THSD4: variants seen among roughly 807,000 people sequenced by gnomAD.
The protein encoded by THSD4 is thrombospondin type 1 domain containing 4, also known as thrombospondin type-1 domain-containing protein 4.
Under a neutral mutation model 119.0 loss-of-function variants are expected in THSD4, and 69 were observed. That is an observed-to-expected ratio of 0.58 (90% CI 0.48 to 0.71). THSD4 has a LOEUF of 0.71. Ranked by LOEUF, THSD4 falls within the 30% of genes least tolerant of loss-of-function variation. The pLI, the probability that THSD4 is intolerant of heterozygous loss-of-function variation, is 0.00. For synonymous variants in THSD4, 524 were observed against 540.4 expected (o/e 0.97, Z 0.42); for missense variants, 1,393 against 1,391.1 (o/e 1.00, Z -0.02).
intron 3 of THSD4, among the ~76,000 whole-genome samples, chr15:71,158,226 T>C (rs2040800226): frequency 1.4e-5 from 2 of 142,702 alleles, no homozygotes; most frequent in Admixed American, 1.5e-4. Flanking sequence ...CGATCTCAGC[T>C]CACTGCAACC....
chr15:71,258,233 C>T (rs1397622728), intron 6 of THSD4, among the ~76,000 whole-genome samples: 13 of 152,276 alleles, frequency 8.5e-5, no homozygotes, highest in East Asian at 1.9e-4. Context: ...GGCTGGAGTG[C>T]GGTGGCGTGA....
At chr15:71,535,144 C>T (rs918758396) in intron 7 of THSD4, among the ~76,000 whole-genome samples, 1 of 152,194 alleles carries the variant, frequency 6.6e-6, no homozygotes, top group Non-Finnish European at 1.5e-5. Context: ...TCCGCTCACC[C>T]TCCTCGGGCC....
chr15:71,507,039 G>A (rs117793479), intron 7 of THSD4, among the ~76,000 whole-genome samples: 4 of 152,280 alleles, frequency 2.6e-5, no homozygotes, highest in Admixed American at 6.5e-5. Context: ...CTCTCAGTAG[G>A]GTGTTGCATA....
chr15:71,132,368 A>G (rs2040511504), intron 1 of THSD4, among the ~76,000 whole-genome samples: 1 of 152,250 alleles, frequency 6.6e-6, no homozygotes, highest in Non-Finnish European at 1.5e-5. Context: ...ATTAGAAATG[A>G]TTTTGAATAT....
intron 7 of THSD4, among the ~76,000 whole-genome samples, chr15:71,558,628 C>T (rs2049061325): frequency 6.6e-6 from 1 of 152,084 alleles, no homozygotes; most frequent in East Asian, 1.9e-4. Context: ...GCCACCACAT[C>T]TGGCTAATTT....
rs145842380 is a variant in THSD4, at chr15:71,656,373, A to C, written c.1153-4157A>C. Among the ~76,000 whole-genome samples, 22 of 152,336 alleles carry C rather than the reference A, an allele frequency of 1.4e-4. 1 individual carries two copies. The highest frequency in any genetic ancestry group is 1.4e-3 in the Admixed American group (22 of 15,300). ...TTCTTATGAGTCTTACACTATTTCAAAATAAAACATTATAACAATAAGAAA... is the reference window on the plus strand; with the variant it reads ...TTCTTATGAGTCTTACACTATTTCACAATAAAACATTATAACAATAAGAAA... On this transcript the variant is annotated intron_variant, in intron 7 of 17. Coordinates refer to ENST00000261862, the MANE Select transcript of THSD4 (RefSeq NM_024817.3).
chr15:71,507,059 C>A (rs4776554), intron 7 of THSD4, among the ~76,000 whole-genome samples: 138,298 of 152,278 alleles, frequency 0.91, 63,767 homozygotes, highest in East Asian at 1. Context: ...AGGCAGGAGC[C>A]TTTTTAGATG....
At chr15:71,750,636 C>G (rs1375685159) in intron 14 of THSD4, among the ~76,000 whole-genome samples, 1 of 152,220 alleles carries the variant, frequency 6.6e-6, no homozygotes, top group Non-Finnish European at 1.5e-5. Flanking sequence ...ATGGACAGCC[C>G]TTGGTGCAAA....
At chr15:71,622,255 A>G (rs2050431557) in intron 7 of THSD4, among the ~76,000 whole-genome samples, 1 of 152,224 alleles carries the variant, frequency 6.6e-6, no homozygotes, top group Non-Finnish European at 1.5e-5. Context: ...TTGATTCATC[A>G]TTTCTGAAAT....
chr15:71,438,209 T>G (rs895491389), intron 7 of THSD4, among the ~76,000 whole-genome samples: 5 of 152,220 alleles, frequency 3.3e-5, no homozygotes, highest in Admixed American at 3.3e-4. Flanking sequence ...TTTGCACATT[T>G]TTCTATTGGG....
chr15:71,644,550 G>A (rs1008059084), intron 7 of THSD4, among the ~76,000 whole-genome samples: 1 of 151,970 alleles, frequency 6.6e-6, no homozygotes, highest in Non-Finnish European at 1.5e-5. Flanking sequence ...TGACTTTCAC[G>A]GCCAGCTAGG....
intron 8 of THSD4, among the ~76,000 whole-genome samples, chr15:71,700,776 A>G (rs2052270574): frequency 1.3e-5 from 2 of 152,144 alleles, no homozygotes; most frequent in Admixed American, 1.3e-4. Context: ...ATATGATAAA[A>G]GCACATTTAA....
At chr15:71,396,966 G>A (rs1444981089) in intron 6 of THSD4, among the ~76,000 whole-genome samples, 2 of 152,196 alleles carry the variant, frequency 1.3e-5, no homozygotes, top group Admixed American at 6.5e-5. Flanking sequence ...AACTTTCTAC[G>A]AACAGGAAGC....
At position 71,215,140 on chromosome 15, in the gene THSD4, T is replaced by C; in HGVS notation, c.205T>C (p.Cys69Arg). The C allele has an allele frequency of 1.5e-6, 2 of 1,372,074 alleles. No homozygotes were observed. The highest frequency in any genetic ancestry group is 1.9e-6 in the Non-Finnish European group (2 of 1,059,166). The allele number at this position is 1,372,074 out of a possible 1,614,324, so 85.0% of individuals were successfully genotyped here. A position where few individuals can be genotyped will look rare whatever the true frequency, so the allele number is the denominator to read the frequency against. The stretch of plus-strand genomic sequence containing the variant: ...CCCCTGGTCGGCCTGCTCGCGTAGC[T>C]GCAGCGGCGGCGTGATGGAGCAGAC... ...WGPWSACSRS[C>R]SGGVMEQTRP... Residue 69 changes from cysteine to arginine, a missense_variant, in exon 4 of 18, where the codon TGC becomes CGC. Cys to Arg is a radical substitution (Grantham distance 180, BLOSUM62 -3). Coordinates refer to ENST00000261862, the MANE Select transcript of THSD4 (RefSeq NM_024817.3).
intron 7 of THSD4, among the ~76,000 whole-genome samples, chr15:71,484,091 TA>T (rs2047777358): frequency 1.3e-5 from 2 of 152,210 alleles, no homozygotes; most frequent in Non-Finnish European, 1.5e-5. Context: ...ACCCATTAAC[TA>T]GCTTCTCTGT....
At chr15:71,223,896 G>A (rs956990497) in intron 4 of THSD4, among the ~76,000 whole-genome samples, 2 of 152,150 alleles carry the variant, frequency 1.3e-5, no homozygotes, top group East Asian at 3.8e-4. Context: ...GGAAAGGCTT[G>A]GTGTGGCTGG....
intron 8 of THSD4, among the ~76,000 whole-genome samples, chr15:71,688,999 C>T (rs759779752): frequency 2.0e-5 from 3 of 152,132 alleles, no homozygotes; most frequent in Admixed American, 6.5e-5. Context: ...AGCTCAGGAA[C>T]GCCTTTTGTC....
intron 6 of THSD4, among the ~76,000 whole-genome samples, chr15:71,350,550 G>T (rs546062177): frequency 6.6e-6 from 1 of 152,010 alleles, no homozygotes; most frequent in African/African-American, 2.4e-5. Flanking sequence ...ACTATTTTTT[G>T]ACTTGAATTT....
At chr15:71,205,159 G>A (rs539789061) in intron 3 of THSD4, among the ~76,000 whole-genome samples, 81 of 152,138 alleles carry the variant, frequency 5.3e-4, no homozygotes, top group Non-Finnish European at 8.1e-4. Flanking sequence ...CAAGTTATAC[G>A]TCAGGTAGAT....
Sources: allele counts gnomAD v4.1 joint callset (sites outside exome capture counted in the v4.1 genomes callset), GRCh38; gene constraint gnomAD v4.1.1; transcripts MANE v1.5; gene names NCBI Gene and HGNC (gene_info 2026-07-23, HGNC 2026-07-21).